The following AKAP13 variants were observed in gnomAD, a reference collection of about 807,000 sequenced individuals.
The protein encoded by AKAP13 is A-kinase anchoring protein 13, also known as A-kinase anchor protein 13.
In AKAP13, 80 loss-of-function variants were observed where a neutral mutation model predicts 264.5. The ratio of observed to expected loss-of-function variants is 0.30; its 90% CI spans 0.25 to 0.36. The LOEUF (loss-of-function observed/expected upper bound fraction) is 0.36. Among genes scored for constraint, AKAP13 ranks in the 10% least tolerant of loss-of-function variants. The pLI is 1.00. For missense variants in AKAP13, 3,712 were observed against 3,435.2 expected (o/e 1.08, Z -2.01); for synonymous variants, 1,380 against 1,250.2 (o/e 1.10, Z -2.19).
intron 1 of AKAP13, among the ~76,000 whole-genome samples, chr15:85,415,956 C>T (rs1031425606): frequency 6.6e-6 from 1 of 152,068 alleles, no homozygotes; most frequent in African/African-American, 2.4e-5. Flanking sequence ...ACCCCTAGAG[C>T]TCAGTTTTCA....
intron 5 of AKAP13, among the ~76,000 whole-genome samples, chr15:85,571,970 AAAAG>A (rs1321763183): frequency 2.6e-5 from 4 of 152,240 alleles, no homozygotes; most frequent in Non-Finnish European, 5.9e-5. Context: ...TTGTGACAAC[AAAAG>A]CACATTCCTC....
At chr15:85,717,249 CAG>C in intron 20 of AKAP13, 39 bp from the exon 21 acceptor site, 2 of 1,315,740 alleles carry the variant, frequency 1.5e-6, no homozygotes, top group Non-Finnish European at 2.2e-6. Flanking sequence ...CATAGGTTAT[CAG>C]AATGTATTTG....
chr15:85,560,254 C>T (rs1356021394), intron 5 of AKAP13, among the ~76,000 whole-genome samples: 1 of 151,862 alleles, frequency 6.6e-6, no homozygotes, highest in Non-Finnish European at 1.5e-5. Flanking sequence ...CAGCCTTGAC[C>T]ACTCGCCTCA....
chr15:85,445,464 G>T (rs2073865260), intron 1 of AKAP13, among the ~76,000 whole-genome samples: 1 of 152,138 alleles, frequency 6.6e-6, no homozygotes, highest in Admixed American at 6.5e-5. Context: ...AATAATTTAG[G>T]CAGGAAATTT....
At chr15:85,435,827 G>A (rs2150938998) in intron 1 of AKAP13, among the ~76,000 whole-genome samples, 2 of 150,324 alleles carry the variant, frequency 1.3e-5, no homozygotes, top group African/African-American at 4.9e-5. Context: ...CGCTAAACGT[G>A]GAAAGGAACA....
intron 1 of AKAP13, among the ~76,000 whole-genome samples, chr15:85,466,454 C>T (rs1031174140): frequency 6.6e-6 from 1 of 152,092 alleles, no homozygotes; most frequent in South Asian, 2.1e-4. Flanking sequence ...ATGGTAATGC[C>T]TAGGTTTTCT....
intron 8 of AKAP13, chr15:85,619,863 G>A: frequency 7.2e-7 from 1 of 1,394,334 alleles, no homozygotes; most frequent in Non-Finnish European, 9.3e-7. Flanking sequence ...CCAGCACTCT[G>A]AAGTTATCAG....
intron 8 of AKAP13, chr15:85,627,535 G>A (rs550976697): frequency 1.3e-5 from 2 of 152,148 alleles, no homozygotes; most frequent in African/African-American, 4.8e-5. Flanking sequence ...AGAGTTATTG[G>A]CCAAGTATAG....
chr15:85,645,091 G>T (rs190863895), intron 9 of AKAP13, among the ~76,000 whole-genome samples: 1 of 152,292 alleles, frequency 6.6e-6, no homozygotes. Context: ...CCGTAGTACA[G>T]CCTGAGCAAC....
intron 1 of AKAP13, among the ~76,000 whole-genome samples, chr15:85,432,163 A>C (rs991944532): frequency 6.6e-6 from 1 of 152,004 alleles, no homozygotes; most frequent in African/African-American, 2.4e-5. Context: ...TCTTTTAGCT[A>C]TTTCAACTCA....
At chr15:85,653,356 A>G (rs2082949531) in intron 10 of AKAP13, among the ~76,000 whole-genome samples, 1 of 152,206 alleles carries the variant, frequency 6.6e-6, no homozygotes, top group Admixed American at 6.5e-5. Context: ...TCTGCTGCTC[A>G]TGCCTGCGTC....
intron 1 of AKAP13, among the ~76,000 whole-genome samples, chr15:85,445,294 G>T (rs142744999): frequency 6.6e-6 from 1 of 152,118 alleles, no homozygotes; most frequent in East Asian, 1.9e-4. Flanking sequence ...CACTGAAAGG[G>T]GCTTCATCTC....
chr15:85,426,449 C>A (rs999183093), intron 1 of AKAP13, among the ~76,000 whole-genome samples: 2 of 151,932 alleles, frequency 1.3e-5, no homozygotes, highest in Non-Finnish European at 2.9e-5. Flanking sequence ...TGCAGATTCA[C>A]CTGAATATTG....
At chr15:85,538,425 G>A (rs2077472642) in intron 4 of AKAP13, among the ~76,000 whole-genome samples, 1 of 151,666 alleles carries the variant, frequency 6.6e-6, no homozygotes, top group Non-Finnish European at 1.5e-5. Context: ...TTAATAGGTC[G>A]CCCACCATAA....
chr15:85,690,772 G>A (rs887839203), intron 16 of AKAP13, among the ~76,000 whole-genome samples: 1 of 152,212 alleles, frequency 6.6e-6, no homozygotes, highest in Non-Finnish European at 1.5e-5. Flanking sequence ...GTCCCTGGCA[G>A]CATAGTGCAG....
rs11630303 is a variant in AKAP13 at position 85,730,495 on chromosome 15, A to G, written c.7088-18A>G. On this transcript the variant is annotated intron_variant, in intron 29 of 36. Transcript: ENST00000394518. ...CTAAACACCAATCAAATCACAGATC[A>G]TTTTCTCCTTCCTGCAGAACAACTT... 1.9e-5 allele frequency: 30 copies of G among 1,610,906 alleles called. No homozygotes were observed. The highest frequency in any genetic ancestry group is 2.5e-5 in the Non-Finnish European group (29 of 1,177,900).
At chr15:85,665,825 C>T (rs1276271735) in intron 13 of AKAP13, among the ~76,000 whole-genome samples, 2 of 152,168 alleles carry the variant, frequency 1.3e-5, no homozygotes, top group Non-Finnish European at 2.9e-5. Flanking sequence ...TGATGGTTTC[C>T]AGCTTCATCC....
intron 1 of AKAP13, among the ~76,000 whole-genome samples, chr15:85,434,379 C>T (rs1200917642): frequency 1.3e-5 from 2 of 152,174 alleles, no homozygotes; most frequent in Admixed American, 6.5e-5. Flanking sequence ...TGCAAGGCGG[C>T]AGCGAGGCTG....
chr15:85,517,744 G>T (rs1297866185), intron 2 of AKAP13, among the ~76,000 whole-genome samples: 1 of 152,136 alleles, frequency 6.6e-6, no homozygotes, highest in Non-Finnish European at 1.5e-5. Context: ...ATGGGGGTGG[G>T]GGGAGCTAAC....
Sources: allele counts gnomAD v4.1 joint callset (sites outside exome capture counted in the v4.1 genomes callset), GRCh38; gene constraint gnomAD v4.1.1; transcripts MANE v1.5; gene names NCBI Gene and HGNC (gene_info 2026-07-23, HGNC 2026-07-21).